GUCY2D: variants seen among roughly 807,000 people sequenced by gnomAD.
GUCY2D encodes the protein retinal guanylyl cyclase 1.
A neutral mutation model predicts 101.3 loss-of-function variants in GUCY2D; 70 were observed. The observed-to-expected ratio is 0.69, with a 90% CI of 0.57 to 0.84. The LOEUF is 0.84. GUCY2D is among the 40% of genes least tolerant of loss of function. GUCY2D has a pLI of 0.00. For missense variants in GUCY2D, 1,460 were observed against 1,542.5 expected (o/e 0.95, Z 0.90); for synonymous variants, 688 against 670.7 (o/e 1.03, Z -0.40).
rs1426615803 is a variant in GUCY2D, at chr17:8,003,076, G to C, written c.29G>C (p.Gly10Ala). The change falls in exon 2 of 20, where the codon GGG becomes GCG. Residue 10 changes from glycine to alanine, a missense_variant. Gly to Ala is a moderately conservative substitution (Grantham distance 60, BLOSUM62 0). Coordinates refer to ENST00000254854, the MANE Select transcript of GUCY2D (RefSeq NM_000180.4). The stretch of plus-strand genomic sequence containing the variant: ...ACCGCCTGCGCCCGCCGAGCGGGTG[G>C]GCTTCCGGACCCCGGGCTCTGCGGT... MTACARRAG[G>A]LPDPGLCGPA... 3 of 1,526,546 alleles carry C rather than the reference G, an allele frequency of 2.0e-6. No individual in the cohort carries two copies. Among genetic ancestry groups the C allele is most frequent in the South Asian group, 1.2e-5 (1 of 82,344 alleles). 94.6% of individuals were successfully genotyped at this position (1,526,546 alleles called of 1,614,324 possible). A position where few individuals can be genotyped will look rare whatever the true frequency, so the allele number is the denominator to read the frequency against.
intron 8 of GUCY2D, among the ~76,000 whole-genome samples, chr17:8,010,212 C>T (rs781682041): frequency 6.6e-6 from 1 of 152,120 alleles, no homozygotes; most frequent in Non-Finnish European, 1.5e-5. Flanking sequence ...TAGAGAGACC[C>T]AGTGAATGTT....
At chr17:8,016,633 CCG>C in intron 19 of GUCY2D, 79 bp downstream of exon 19, 1 of 739,764 alleles carries the variant, frequency 1.4e-6, no homozygotes, top group Non-Finnish European at 2.3e-6. Context: ...GCCAGGTGTC[CCG>C]ATCCCTTTCT....
chr17:8,017,328 G>A (rs1975997655), intron 19 of GUCY2D, among the ~76,000 whole-genome samples: 1 of 152,180 alleles, frequency 6.6e-6, no homozygotes, highest in Non-Finnish European at 1.5e-5. Flanking sequence ...GAGGGTCAGG[G>A]ATTCTCCGCT....
chr17:8,005,242 C>A (rs2151800035), intron 3 of GUCY2D, among the ~76,000 whole-genome samples: 1 of 152,292 alleles, frequency 6.6e-6, no homozygotes, highest in Middle Eastern at 3.4e-3. Flanking sequence ...GGCCACAGCA[C>A]CCCCAGCCCA....
At chr17:8,015,880 G>A (rs748653489) in intron 16 of GUCY2D, 39 bp downstream of exon 16, 7 of 1,599,072 alleles carry the variant, frequency 4.4e-6, no homozygotes, top group Admixed American at 3.4e-5. Flanking sequence ...GTGGGAGGGG[G>A]ACACGGGAGG....
At chr17:8,007,815 C>A in intron 6 of GUCY2D, 116 bp from the exon 7 acceptor site, 1 of 728,410 alleles carries the variant, frequency 1.4e-6, no homozygotes, top group East Asian at 2.7e-5. Flanking sequence ...ATCACCTTCC[C>A]TCATTGAGAT....
chr17:8,008,035 G>A lies in GUCY2D; in HGVS notation c.1668+3G>A. On this transcript the variant is annotated splice_donor_region_variant and intron_variant, in intron 7 of 19. Transcript: ENST00000254854. ...GCCCCAACATTGGTGTCTATGAGGT[G>A]AGCCTGACCCCAGCCAGACAGAGAG... 1 of 1,578,608 alleles carries A rather than the reference G, an allele frequency of 6.3e-7. No individual in the cohort carries two copies. Among genetic ancestry groups the A allele is most frequent in the Non-Finnish European group, 8.7e-7 (1 of 1,148,166 alleles).
At position 8,006,554 on chromosome 17, in the gene GUCY2D, C is replaced by T. The variant is rs1975744010; in HGVS notation, c.1218C>T (p.Asp406=). 1.1e-5 allele frequency: 17 copies of T among 1,613,142 alleles called. No homozygotes were observed. The highest frequency in any genetic ancestry group is 1.4e-5 in the Non-Finnish European group (16 of 1,180,032). Residue 406 remains aspartate, a synonymous_variant, in exon 4 of 20, where the codon GAC becomes GAT. Coordinates refer to ENST00000254854, the MANE Select transcript of GUCY2D (RefSeq NM_000180.4). Reference sequence around the variant, plus strand: ...AGGAGCCCCCATTCGTGCTGCTAGACACGGACGCGGCGGGAGACCGGCTTT... The same window carrying T: ...AGGAGCCCCCATTCGTGCTGCTAGATACGGACGCGGCGGGAGACCGGCTTT... The part of the protein sequence containing the change: ...GDEEPPFVLL[D]TDAAGDRLFA...
In GUCY2D at chr17:8,004,085, G is replaced by A; in HGVS notation, c.955G>A (p.Gly319Ser). The A allele has an allele frequency of 1.2e-6, 2 of 1,604,676 alleles. No individual in the cohort carries two copies. Among genetic ancestry groups the A allele is most frequent in the South Asian group, 1.1e-5 (1 of 91,034 alleles). Residue 319 changes from glycine (G) to serine (S), a missense_variant, in exon 3 of 20, where the codon GGC (glycine) becomes AGC (serine). By Grantham distance (56) the Gly-to-Ser change is moderately conservative. Coordinates refer to ENST00000254854, the MANE Select transcript of GUCY2D (RefSeq NM_000180.4). The stretch of plus-strand genomic sequence containing the variant: ...CCTCACGCGCCACTGTCCCTCTGAA[G>A]GCAGCGTGCTGGACAGCCTGCGCAG... Reference protein sequence around the residue: ...LTLTRHCPSEGSVLDSLRRAQ... With the variant: ...LTLTRHCPSESSVLDSLRRAQ...
In GUCY2D at chr17:8,012,590, G is replaced by A. The variant is rs544448494; in HGVS notation, c.2097G>A (p.Glu699=). 1.9e-6 allele frequency: 3 copies of A among 1,613,458 alleles called. No individual in the cohort carries two copies. The highest frequency in any genetic ancestry group is 2.2e-5 in the East Asian group (1 of 44,884). ...RLLEAQKVLP[E]PPRAEDQLWT... is the part of the protein sequence containing the mutation. ...TGGAAGCACAGAAGGTGCTACCGGA[G>A]CCTCCCAGAGCGGAGGGTAAGAGTC... The change falls in exon 10 of 20, where the codon GAG becomes GAA. Residue 699 remains glutamate, a synonymous_variant. Coordinates refer to ENST00000254854, the MANE Select transcript of GUCY2D (RefSeq NM_000180.4).
intron 15 of GUCY2D, 62 bp downstream of exon 15, chr17:8,015,564 T>G (rs951425493): frequency 1.5e-5 from 22 of 1,479,412 alleles, no homozygotes; most frequent in Middle Eastern, 2.3e-4. Context: ...GCCCCAGATT[T>G]CCTGTAGAGG....
Position 8,004,112 on chromosome 17 carries a change from G to A in GUCY2D, c.982G>A (p.Ala328Thr). Residue 328 changes from alanine (A) to threonine (T), a missense_variant, in exon 3 of 20, where the codon GCT becomes ACT. This residue lies in a region of GUCY2D where 1,196 missense variants were observed against 1,229.6 expected (regional missense o/e 0.97). Coordinates refer to ENST00000254854, the MANE Select transcript of GUCY2D (RefSeq NM_000180.4). Reference protein sequence around the residue: ...EGSVLDSLRRAQERRELPSDL... With the variant: ...EGSVLDSLRRTQERRELPSDL... ...CAGCGTGCTGGACAGCCTGCGCAGG[G>A]CTCAAGAGCGCCGCGAGCTGCCCTC... 1 of 1,599,528 alleles carries A rather than the reference G, an allele frequency of 6.3e-7. No individual in the cohort carries two copies. Among genetic ancestry groups the A allele is most frequent in the South Asian group, 1.1e-5 (1 of 90,982 alleles).
In GUCY2D at chr17:8,006,712, G is replaced by A. The variant is rs1156640453; in HGVS notation, c.1376G>A (p.Gly459Glu). The A allele has an allele frequency of 6.2e-7, 1 of 1,602,298 alleles. No individual in the cohort carries two copies. The highest frequency in any genetic ancestry group is 1.7e-5 in the Admixed American group (1 of 59,048). Residue 459 changes from glycine (G) to glutamate (E), a missense_variant and splice_region_variant, in exon 4 of 20, where the codon GGA becomes GAA. Gly to Glu is a moderately conservative substitution (Grantham distance 98). Around this residue, in one of 3 missense-constraint regions of GUCY2D, gnomAD observed 1,196 missense variants for 1,229.6 expected, o/e 0.97. Coordinates refer to ENST00000254854, the MANE Select transcript of GUCY2D (RefSeq NM_000180.4). Reference sequence around the variant, plus strand: ...TTCGATCCAAACAACATCTGCGGTGGAGGTGAGGGCGAGCACCCCAGTCCC... The same window carrying A: ...TTCGATCCAAACAACATCTGCGGTGAAGGTGAGGGCGAGCACCCCAGTCCC... The part of the protein sequence containing the change: ...CWFDPNNICG[G>E]GLEPGLVFLG...
At chr17:8,019,472 C>T (rs187833219) in intron 19 of GUCY2D, among the ~76,000 whole-genome samples, 8 of 152,312 alleles carry the variant, frequency 5.3e-5, no homozygotes, top group Admixed American at 4.6e-4. Flanking sequence ...CTTCACTCAG[C>T]CTCCTTCCCA....
intron 8 of GUCY2D, among the ~76,000 whole-genome samples, chr17:8,010,220 GT>G (rs1975823421): frequency 1.3e-5 from 2 of 152,136 alleles, no homozygotes; most frequent in African/African-American, 4.8e-5. Context: ...CCCAGTGAAT[GT>G]TTGTTGATCT....
Position 8,006,513 on chromosome 17 carries a change from G to A in GUCY2D, c.1177G>A (p.Asp393Asn). The change falls in exon 4 of 20, where the codon GAC (aspartate) becomes AAC (asparagine). Residue 393 changes from aspartate (D) to asparagine (N), a missense_variant. Asp to Asn is a conservative substitution (Grantham distance 23). Transcript: ENST00000254854. ...RDAQVPGFCG[D>N]LGGDEEPPFV... ...TGCGCAGGTCCCTGGCTTCTGCGGG[G>A]ACCTAGGAGGAGACGAGGAGCCCCC... 1 of 1,610,180 alleles carries A rather than the reference G, an allele frequency of 6.2e-7. No individual in the cohort carries two copies. Among genetic ancestry groups the A allele is most frequent in the Non-Finnish European group, 8.5e-7 (1 of 1,180,002 alleles).
chr17:8,015,222 C>G, intron 14 of GUCY2D, 106 bp from the exon 15 acceptor site: 1 of 1,171,124 alleles, frequency 8.5e-7, no homozygotes, highest in South Asian at 1.3e-5. Context: ...CACTAGCAAC[C>G]TGGTTCTGCA....
intron 3 of GUCY2D, 58 bp from the exon 4 acceptor site, chr17:8,006,305 A>C: frequency 7.5e-7 from 1 of 1,332,636 alleles, no homozygotes; most frequent in Non-Finnish European, 1.1e-6. Flanking sequence ...CAGTGAAAGA[A>C]TCTGGTCTGT....
chr17:8,015,177 C>T, intron 14 of GUCY2D, 126 bp downstream of exon 14: 1 of 1,068,576 alleles, frequency 9.4e-7, no homozygotes, highest in South Asian at 1.3e-5. Context: ...CCTCCTGTCC[C>T]TTATTTATTC....
Sources: gnomAD v4.1 joint callset for allele counts (sites outside exome capture counted in the v4.1 genomes callset) on GRCh38, gnomAD v4.1.1 for gene constraint, gnomAD v4.1.1 regional missense constraint, MANE v1.5 for transcripts, NCBI Gene and HGNC (gene_info 2026-07-23, HGNC 2026-07-21) for gene names.